Variants in SCN10A observed in about 807,000 individuals in gnomAD.
The protein encoded by SCN10A is sodium channel protein type 10 subunit alpha.
SCN10A carries 162 observed loss-of-function variants against 170.7 expected under a neutral mutation model. The ratio of observed to expected loss-of-function variants is 0.95; its 90% CI spans 0.84 to 1.08. The LOEUF (loss-of-function observed/expected upper bound fraction) is 1.08, where lower values mean the gene tolerates loss of function less well. SCN10A is among the 50% of genes least tolerant of loss of function. SCN10A has a pLI of 0.00. For synonymous variants in SCN10A, 985 were observed against 904.6 expected (o/e 1.09, Z -1.59); for missense variants, 2,527 against 2,436.9 (o/e 1.04, Z -0.78).
At chr3:38,780,510 C>T (rs943180615) in intron 4 of SCN10A, among the ~76,000 whole-genome samples, 5 of 151,764 alleles carry the variant, frequency 3.3e-5, no homozygotes, top group South Asian at 2.1e-4. Flanking sequence ...TTTCATATGA[C>T]GTATTTAGTT....
chr3:38,770,215 G>A (rs1472802372), intron 5 of SCN10A, among the ~76,000 whole-genome samples: 1 of 152,186 alleles, frequency 6.6e-6, no homozygotes, highest in Non-Finnish European at 1.5e-5. Context: ...GCTTTCAAGA[G>A]AGCACTAGTG....
chr3:38,795,858 C>T (rs1232726386), intron 1 of SCN10A, among the ~76,000 whole-genome samples: 2 of 152,126 alleles, frequency 1.3e-5, no homozygotes, highest in African/African-American at 2.4e-5. Flanking sequence ...ATCACTGTAC[C>T]TGTGAAGTAT....
chr3:38,746,772 T>C (rs2063695133), intron 13 of SCN10A, among the ~76,000 whole-genome samples: 1 of 152,178 alleles, frequency 6.6e-6, no homozygotes, highest in African/African-American at 2.4e-5. Flanking sequence ...TCTTACCATA[T>C]TTCACTTAGT....
At chr3:38,773,714 G>C (rs1427565988) in intron 4 of SCN10A, among the ~76,000 whole-genome samples, 1 of 152,170 alleles carries the variant, frequency 6.6e-6, no homozygotes, top group Non-Finnish European at 1.5e-5. Context: ...TGTTTACTTA[G>C]CAATGTAATG....
chr3:38,747,552 G>A (rs1311993814), intron 13 of SCN10A, among the ~76,000 whole-genome samples: 1 of 152,164 alleles, frequency 6.6e-6, no homozygotes, highest in African/African-American at 2.4e-5. Context: ...AAAATCTGAG[G>A]CACAGAAAAG....
chr3:38,701,110 A>G (rs758811128), intron 27 of SCN10A, among the ~76,000 whole-genome samples: 14 of 152,340 alleles, frequency 9.2e-5, no homozygotes, highest in Non-Finnish European at 2.1e-4. Context: ...TGCTGTGAAC[A>G]TTCATGGAGC....
intron 5 of SCN10A, among the ~76,000 whole-genome samples, chr3:38,764,578 T>C (rs1388635105): frequency 2.6e-5 from 4 of 152,204 alleles, no homozygotes. Flanking sequence ...TAGTATTCCA[T>C]GGTATGCATA....
At chr3:38,798,159 A>C (rs1320074793) in intron 1 of SCN10A, among the ~76,000 whole-genome samples, 4 of 152,220 alleles carry the variant, frequency 2.6e-5, no homozygotes, top group African/African-American at 4.8e-5. Context: ...AGGAAAAGTA[A>C]CATAAGAAGA....
chr3:38,765,072 G>T (rs560969762), intron 5 of SCN10A, among the ~76,000 whole-genome samples: 1 of 152,020 alleles, frequency 6.6e-6, no homozygotes, highest in South Asian at 2.1e-4. Flanking sequence ...TTGTTTTCTT[G>T]CTGATTTATT....
Position 38,728,913 on chromosome 3 carries a change from C to G in SCN10A, c.2281-12G>C, listed in dbSNP as rs1445645950. ...TTGAATACGCGCAGCTGCAGAGAAA[C>G]AGAGACCGTCAGGTTTTGGTAGCTG... On this transcript the variant is annotated splice_polypyrimidine_tract_variant and intron_variant, in intron 15 of 27. Transcript: ENST00000449082. The G allele has an allele frequency of 2.5e-6, 4 of 1,592,036 alleles. No homozygotes were observed. The South Asian group carries it at 4.5e-5, about 18-fold the overall frequency.
At chr3:38,709,721 G>A (rs372593412) in intron 24 of SCN10A, 106 bp from the exon 25 acceptor site, 10 of 1,045,360 alleles carry the variant, frequency 9.6e-6, no homozygotes, top group Middle Eastern at 4.3e-4. Flanking sequence ...GATTTATCTG[G>A]GAGGTGATCC....
intron 4 of SCN10A, among the ~76,000 whole-genome samples, chr3:38,788,643 A>G (rs1022701780): frequency 4.0e-5 from 6 of 150,790 alleles, no homozygotes; most frequent in African/African-American, 9.8e-5. Context: ...GGGCGAGGAG[A>G]CTCATCTTCC....
rs71085334 is a variant in SCN10A at position 38,736,963 on chromosome 3, G to GTTTTTTTTTTTTT, written c.2280+2539_2280+2551dup. Among the ~76,000 whole-genome samples, 250 of 46,630 alleles carry GTTTTTTTTTTTTT rather than the reference G, an allele frequency of 5.4e-3. 45 individuals carry two copies. Among genetic ancestry groups the GTTTTTTTTTTTTT allele is most frequent in the African/African-American group, 9.7e-3 (92 of 9,516 alleles). 30.6% of individuals were successfully genotyped at this position (46,630 alleles called of 152,430 possible). A position where few individuals can be genotyped will look rare whatever the true frequency, so the allele number is the denominator to read the frequency against. On this transcript the variant is annotated intron_variant, in intron 15 of 27. Transcript: ENST00000449082. ...TTCCCCAAGTGTAGCAGAAATGTTC[G>GTTTTTTTTTTTTT]TTTTTTTTTTTTTTTTTTTTTTTTT...
chr3:38,736,473 G>C (rs927149057), intron 15 of SCN10A, among the ~76,000 whole-genome samples: 5 of 150,902 alleles, frequency 3.3e-5, no homozygotes, highest in Non-Finnish European at 5.9e-5. Flanking sequence ...ACTGAAAACT[G>C]TCCTGAAAAT....
At chr3:38,811,774 T>C (rs976088154) in intron 1 of SCN10A, among the ~76,000 whole-genome samples, 5 of 152,184 alleles carry the variant, frequency 3.3e-5, no homozygotes, top group Admixed American at 1.3e-4. Flanking sequence ...TCCAGGACTT[T>C]CTACTGTCCA....
At chr3:38,724,183 C>A (rs2063428144) in intron 18 of SCN10A, among the ~76,000 whole-genome samples, 1 of 152,206 alleles carries the variant, frequency 6.6e-6, no homozygotes, top group African/African-American at 2.4e-5. Context: ...CACCCACAGC[C>A]CCCAAATCCC....
rs6771157 is a variant in SCN10A at position 38,722,372 on chromosome 3, G to C, written c.3393C>G (p.Thr1131=). The C allele has an allele frequency of 0.25, 398,942 of 1,613,744 alleles. 51,431 individuals are homozygous for C. The highest frequency in any genetic ancestry group is 0.43 in the East Asian group (19,419 of 44,864). Reference sequence around the variant, plus strand: ...GCCAGCCCACATCCCATGGACTCTTGGTGGTATCCAGTTTGCAGCAGGGAC... The same window carrying C: ...GCCAGCCCACATCCCATGGACTCTTCGTGGTATCCAGTTTGCAGCAGGGAC... ...RHCPCCKLDT[T]KSPWDVGWQV... is the part of the protein sequence containing the mutation. Residue 1131 remains threonine, a synonymous_variant, in exon 20 of 28, where the codon ACC becomes ACG. Coordinates refer to ENST00000449082, the MANE Select transcript of SCN10A (RefSeq NM_006514.4).
At chr3:38,812,141 G>T (rs1409520863) in intron 1 of SCN10A, among the ~76,000 whole-genome samples, 3 of 152,206 alleles carry the variant, frequency 2.0e-5, no homozygotes, top group African/African-American at 4.8e-5. Flanking sequence ...ACAGCTTTAT[G>T]TGTTTAAAAA....
intron 4 of SCN10A, among the ~76,000 whole-genome samples, chr3:38,774,132 A>T (rs529610244): frequency 7.9e-4 from 121 of 152,308 alleles, no homozygotes; most frequent in African/African-American, 2.8e-3. Context: ...TGAGAGGAGA[A>T]ATCGTGTTTG....
Sources: gnomAD v4.1 joint callset for allele counts (sites outside exome capture counted in the v4.1 genomes callset) on GRCh38, gnomAD v4.1.1 for gene constraint, MANE v1.5 for transcripts, NCBI Gene and HGNC (gene_info 2026-07-23, HGNC 2026-07-21) for gene names.